The following TRARG1 variants were observed in gnomAD, a reference collection of about 807,000 sequenced individuals.
The protein encoded by TRARG1 is trafficking regulator of GLUT4 1.
A neutral mutation model predicts 13.3 loss-of-function variants in TRARG1; 16 were observed. The ratio of observed to expected loss-of-function variants is 1.20; its 90% CI spans 0.81 to 1.83. The LOEUF (loss-of-function observed/expected upper bound fraction) is 1.83. Ranked by LOEUF, TRARG1 falls within the 40% of genes most tolerant of loss-of-function variation. The pLI is 0.00. For missense variants in TRARG1, 250 were observed against 237.4 expected, an observed-to-expected ratio of 1.05 and a Z score of -0.35; for synonymous variants, 113 against 106.2, an observed-to-expected ratio of 1.06 and a Z score of -0.39.
chr17:1,293,040 C>A (rs2072083791), intron 1 of TRARG1, among the ~76,000 whole-genome samples: 1 of 152,106 alleles, frequency 6.6e-6, no homozygotes. Context: ...GTACTCCCAG[C>A]ACTTTGGGAG....
Position 1,282,180 on chromosome 17 carries a change from G to GTA in TRARG1, c.387+1792_387+1793insTA, listed in dbSNP as rs1222422553. Among the ~76,000 whole-genome samples the GTA allele has an allele frequency of 1.2e-3, 178 of 144,136 alleles. 4 individuals are homozygous for GTA. The highest frequency in any genetic ancestry group is 1.3e-3 in the Non-Finnish European group (90 of 67,032). The allele number at this position is 144,136 out of a possible 152,430, so 94.6% of individuals were successfully genotyped here. On this transcript the variant is annotated intron_variant, in intron 1 of 2. Transcript: ENST00000333813. Reference sequence around the variant, plus strand: ...CGTGCATATATGTACGTATACACGTGCGTATATGTACGTGTACACGTGCGT... The same window carrying GTA: ...CGTGCATATATGTACGTATACACGTGTACGTATATGTACGTGTACACGTGCGT...
rs571289012 is a variant in TRARG1, at chr17:1,298,680, G to A, written c.*416G>A. On this transcript the variant is annotated 3_prime_UTR_variant, in exon 3 of 3. Transcript: ENST00000333813. ...GAGCTCCTTCCTGTCTGTGGACTCG[G>A]AGCAAAGACGTGGGGCCCCATCTTT... 21 of 203,480 alleles carry A rather than the reference G, an allele frequency of 1.0e-4. 1 individual carries two copies. In the South Asian group the frequency reaches 2.4e-3, roughly 23 times the overall value. 12.6% of individuals were successfully genotyped at this position (203,480 alleles called of 1,614,324 possible).
chr17:1,286,497 A>G (rs113620140), intron 1 of TRARG1, among the ~76,000 whole-genome samples: 450 of 92,916 alleles, frequency 4.8e-3, no homozygotes, highest in African/African-American at 0.015. Flanking sequence ...GGGTGTTTTT[A>G]TCAGCCTGTG....
chr17:1,285,787 G>C (rs1021803220), intron 1 of TRARG1, among the ~76,000 whole-genome samples: 1 of 151,744 alleles, frequency 6.6e-6, no homozygotes, highest in African/African-American at 2.4e-5. Context: ...CCACATCAGA[G>C]AGATGTGGGG....
At chr17:1,292,635 T>C (rs1281195521) in intron 1 of TRARG1, among the ~76,000 whole-genome samples, 1 of 152,266 alleles carries the variant, frequency 6.6e-6, no homozygotes, top group Non-Finnish European at 1.5e-5. Flanking sequence ...CTGTTATCTC[T>C]GCCTGGGATA....
At chr17:1,298,190 G>A (rs532737747) in intron 2 of TRARG1, 61 bp from the exon 3 acceptor site, 2 of 1,609,290 alleles carry the variant, frequency 1.2e-6, no homozygotes, top group African/African-American at 2.7e-5. Flanking sequence ...CCTCCAGTCA[G>A]GGACTTGAAG....
intron 1 of TRARG1, among the ~76,000 whole-genome samples, chr17:1,284,091 G>C (rs1332722954): frequency 2.6e-5 from 4 of 151,180 alleles, no homozygotes; most frequent in African/African-American, 9.8e-5. Flanking sequence ...CTCCAGCCTG[G>C]GCGACAGAGC....
intron 1 of TRARG1, among the ~76,000 whole-genome samples, chr17:1,285,889 G>A (rs541277694): frequency 6.6e-6 from 1 of 152,160 alleles, no homozygotes; most frequent in Non-Finnish European, 1.5e-5. Flanking sequence ...TCTTGGAAAG[G>A]GGCAGAGACA....
chr17:1,281,580 G>A (rs2150805189), intron 1 of TRARG1, among the ~76,000 whole-genome samples: 1 of 152,284 alleles, frequency 6.6e-6, no homozygotes, highest in East Asian at 1.9e-4. Flanking sequence ...CTGAGTCTGA[G>A]GGACTTGGCA....
At position 1,298,308 on chromosome 17, in the gene TRARG1, C is replaced by T. The variant is rs199825469; in HGVS notation, c.*44C>T. 64 of 1,608,958 alleles carry T rather than the reference C, an allele frequency of 4.0e-5. 3 individuals carry two copies. The South Asian group carries it at 5.3e-4, about 13-fold the overall frequency. On this transcript the variant is annotated 3_prime_UTR_variant, in exon 3 of 3. Transcript: ENST00000333813. ...GCTAGCAGAGGCCGGCCCTGGCCAT[C>T]GGGAGAGCTCTGACCTGCACACCGC... is the stretch of plus-strand genomic sequence containing the variant.
rs938986747 is a variant in TRARG1, at chr17:1,295,514, C to T, written c.411C>T (p.Gly137=). The T allele has an allele frequency of 2.0e-5, 32 of 1,610,776 alleles. No homozygotes were observed. The highest frequency in any genetic ancestry group is 1.1e-4 in the East Asian group (5 of 44,726). ...AGTCTCGAAGCAGCATGCAACAGGG[C>T]AACGTGGACGGCGCCCGGAGGCTGG... ...SIMSRSSMQQ[G]NVDGARRLGR... The change falls in exon 2 of 3, where the codon GGC becomes GGT. Residue 137 remains glycine (G), a synonymous_variant. Transcript: ENST00000333813.
chr17:1,293,063 A>G (rs2072083994), intron 1 of TRARG1, among the ~76,000 whole-genome samples: 1 of 152,130 alleles, frequency 6.6e-6, no homozygotes, highest in Non-Finnish European at 1.5e-5. Context: ...CAATGTGGGC[A>G]GATCATGAGG....
At chr17:1,285,432 C>T (rs1033684467) in intron 1 of TRARG1, among the ~76,000 whole-genome samples, 1 of 148,970 alleles carries the variant, frequency 6.7e-6, no homozygotes, top group African/African-American at 2.5e-5. Flanking sequence ...GAGGGCTGGG[C>T]TCAGTGGCTC....
intron 2 of TRARG1, 111 bp downstream of exon 2, chr17:1,295,734 G>C: frequency 1.5e-6 from 2 of 1,376,702 alleles, no homozygotes; most frequent in Non-Finnish European, 1.9e-6. Flanking sequence ...AAGGAGAAGG[G>C]CTGGTGGGGG....
chr17:1,284,306 C>T (rs1023415931), intron 1 of TRARG1, among the ~76,000 whole-genome samples: 4 of 152,180 alleles, frequency 2.6e-5, no homozygotes, highest in Non-Finnish European at 5.9e-5. Flanking sequence ...TTCCTGGCCT[C>T]GTTCACTTTG....
At chr17:1,289,779 C>T (rs1026833195) in intron 1 of TRARG1, among the ~76,000 whole-genome samples, 4 of 152,162 alleles carry the variant, frequency 2.6e-5, no homozygotes, top group South Asian at 2.1e-4. Context: ...ATGCTGGGAC[C>T]GGTTTATCCA....
intron 1 of TRARG1, among the ~76,000 whole-genome samples, chr17:1,290,420 C>T (rs984104503): frequency 3.9e-4 from 60 of 152,240 alleles, no homozygotes; most frequent in African/African-American, 1.4e-3. Context: ...TTCAGCCTCC[C>T]GAGTAGCTGA....
In TRARG1 at chr17:1,296,809, C is replaced by G. The variant is rs1455151843; in HGVS notation, c.520+1186C>G. On this transcript the variant is annotated intron_variant, in intron 2 of 2. Coordinates refer to ENST00000333813, the MANE Select transcript of TRARG1 (RefSeq NM_172367.3). ...TACAGGCGCCTGCCACCACGCCCGGCTAAGTTTGTATTTTTAGTAGAGATG... is the reference window on the plus strand; with the variant it reads ...TACAGGCGCCTGCCACCACGCCCGGGTAAGTTTGTATTTTTAGTAGAGATG... Among the ~76,000 whole-genome samples the G allele has an allele frequency of 4.6e-5, 7 of 151,816 alleles. No homozygotes were observed. In the East Asian group the frequency reaches 1.4e-3, roughly 30 times the overall value.
chr17:1,298,642 G>A lies in TRARG1; in HGVS notation c.*378G>A. ...CACAAACGAGACACACGCTGGCGGG[G>A]AGAGACGCAGCAGAGCTCCTTCCTG... On this transcript the variant is annotated 3_prime_UTR_variant, in exon 3 of 3. Transcript: ENST00000333813. The A allele has an allele frequency of 4.0e-6, 1 of 253,094 alleles. No individual in the cohort carries two copies. Among genetic ancestry groups the A allele is most frequent in the Non-Finnish European group, 7.5e-6 (1 of 133,586 alleles). The allele number at this position is 253,094 out of a possible 1,614,324, so 15.7% of individuals were successfully genotyped here.
Sources: allele counts gnomAD v4.1 joint callset (sites outside exome capture counted in the v4.1 genomes callset), GRCh38; gene constraint gnomAD v4.1.1; transcripts MANE v1.5; gene names NCBI Gene and HGNC (gene_info 2026-07-23, HGNC 2026-07-21).